FAM13A: variants seen among roughly 807,000 people sequenced by gnomAD.
FAM13A encodes the protein protein FAM13A.
FAM13A carries 76 observed loss-of-function variants against 129.6 expected under a neutral mutation model. That is an observed-to-expected ratio of 0.59 (90% CI 0.49 to 0.71). The LOEUF is 0.71. FAM13A is among the 30% of genes least tolerant of loss of function. The pLI is 0.00. For missense variants in FAM13A, 1,108 were observed against 1,249.3 expected (o/e 0.89, Z 1.70); for synonymous variants, 443 against 449.9 (o/e 0.98, Z 0.20).
At chr4:88,752,890 G>A (rs1017238769) in intron 14 of FAM13A, among the ~76,000 whole-genome samples, 7 of 152,206 alleles carry the variant, frequency 4.6e-5, no homozygotes, top group African/African-American at 1.7e-4. Flanking sequence ...AGAGGGAAAG[G>A]GTTAAGATGG....
intron 3 of FAM13A, among the ~76,000 whole-genome samples, chr4:89,001,894 C>A (rs959241842): frequency 2.0e-4 from 31 of 152,030 alleles, no homozygotes; most frequent in African/African-American, 7.5e-4. Context: ...CCTATTATTA[C>A]GGTGGTTTTC....
chr4:89,015,748 A>G (rs1411927910), intron 3 of FAM13A, among the ~76,000 whole-genome samples: 1 of 152,158 alleles, frequency 6.6e-6, no homozygotes, highest in Non-Finnish European at 1.5e-5. Context: ...TACTCATTCT[A>G]TTTATATGTA....
At position 89,054,973 on chromosome 4, in the gene FAM13A, G is replaced by C. The variant is rs147540427; in HGVS notation, c.27+1965C>G. 2.6e-5 allele frequency among the ~76,000 whole-genome samples: 4 copies of C among 152,274 alleles called. No individual in the cohort carries two copies. In the East Asian group the frequency reaches 7.7e-4, roughly 29 times the overall value. The stretch of plus-strand genomic sequence containing the variant: ...TCCCTACTTCTCTCTTCCCCAAAAA[G>C]AAGGCATTTAAGCTTCAACCACCTG... On this transcript the variant is annotated intron_variant, in intron 1 of 23. Coordinates refer to ENST00000264344, the MANE Select transcript of FAM13A (RefSeq NM_014883.4).
chr4:89,030,530 C>A (rs1004505737), intron 1 of FAM13A, among the ~76,000 whole-genome samples: 45 of 152,206 alleles, frequency 3.0e-4, no homozygotes, highest in African/African-American at 9.9e-4. Context: ...AGGAAACTTC[C>A]ACTTTCTGAG....
chr4:89,014,193 G>A (rs934733828), intron 3 of FAM13A, among the ~76,000 whole-genome samples: 9 of 152,094 alleles, frequency 5.9e-5, no homozygotes, highest in South Asian at 2.1e-4. Flanking sequence ...GACAATAAAC[G>A]ATGCAGTAGG....
chr4:88,910,777 G>A (rs1012573752), intron 5 of FAM13A, among the ~76,000 whole-genome samples: 1 of 151,868 alleles, frequency 6.6e-6, no homozygotes, highest in African/African-American at 2.4e-5. Flanking sequence ...AGCCTCCTGA[G>A]TAGCTGGGAC....
At chr4:88,888,533 C>T (rs1382075836) in intron 6 of FAM13A, among the ~76,000 whole-genome samples, 1 of 152,006 alleles carries the variant, frequency 6.6e-6, no homozygotes, top group Non-Finnish European at 1.5e-5. Context: ...TCCTTCAAGC[C>T]ACAACAAACC....
intron 6 of FAM13A, among the ~76,000 whole-genome samples, chr4:88,868,687 T>C (rs780480485): frequency 1.3e-5 from 2 of 152,196 alleles, no homozygotes; most frequent in Non-Finnish European, 2.9e-5. Context: ...CCAAGATTTA[T>C]ACATGTCTAT....
chr4:88,898,533 C>A (rs1294766236), intron 6 of FAM13A, among the ~76,000 whole-genome samples: 1 of 152,012 alleles, frequency 6.6e-6, no homozygotes, highest in East Asian at 1.9e-4. Context: ...TAAAAATAAA[C>A]CATATACTCT....
chr4:88,769,817 G>A (rs936352823), intron 11 of FAM13A, among the ~76,000 whole-genome samples: 4 of 151,476 alleles, frequency 2.6e-5, no homozygotes, highest in Admixed American at 2.0e-4. Flanking sequence ...GCGACAGAGC[G>A]AGACTCTGTC....
At chr4:88,881,954 G>GA (rs1461259510) in intron 6 of FAM13A, among the ~76,000 whole-genome samples, 1 of 151,830 alleles carries the variant, frequency 6.6e-6, no homozygotes, top group African/African-American at 2.4e-5. Flanking sequence ...TAAAAAAAAT[G>GA]AAAAAAGACT....
intron 5 of FAM13A, among the ~76,000 whole-genome samples, chr4:88,909,394 A>G (rs1748673027): frequency 1.3e-5 from 2 of 152,204 alleles, no homozygotes; most frequent in Admixed American, 1.3e-4. Flanking sequence ...GAATAGGCAA[A>G]TACTTAGTGA....
At chr4:89,055,702 A>G (rs1438419934) in intron 1 of FAM13A, among the ~76,000 whole-genome samples, 1 of 152,226 alleles carries the variant, frequency 6.6e-6, no homozygotes, top group African/African-American at 2.4e-5. Flanking sequence ...TATTTTACAC[A>G]TAGATAAATC....
At chr4:88,868,526 G>A (rs1384729553) in intron 6 of FAM13A, among the ~76,000 whole-genome samples, 1 of 152,112 alleles carries the variant, frequency 6.6e-6, no homozygotes, top group African/African-American at 2.4e-5. Context: ...TGCCAGGGGT[G>A]ATCTGATCTT....
intron 5 of FAM13A, among the ~76,000 whole-genome samples, chr4:88,930,123 T>C (rs1368376965): frequency 1.3e-5 from 2 of 152,194 alleles, no homozygotes; most frequent in Admixed American, 6.5e-5. Context: ...GTTTTCAGAA[T>C]TATCTTGCAT....
Position 88,851,092 on chromosome 4 carries a change from A to G in FAM13A, c.935T>C (p.Leu312Pro). 6.2e-7 allele frequency: 1 copy of G among 1,613,998 alleles called. No individual in the cohort carries two copies. The highest frequency in any genetic ancestry group is 8.5e-7 in the Non-Finnish European group (1 of 1,180,010). ...TTCCAAGCAGGCTTTTCTATAACTT[A>G]GCCGCAAGCTGAGCTGAGGAATGCC... The part of the protein sequence containing the change: ...SDGIPQLSLR[L>P]SYRKACLEDM... The change falls in exon 7 of 24, where the codon CTA (leucine) becomes CCA (proline). Residue 312 changes from leucine to proline, a missense_variant. Physicochemically the swap from Leu to Pro is moderately conservative, Grantham distance 98. Coordinates refer to ENST00000264344, the MANE Select transcript of FAM13A (RefSeq NM_014883.4).
intron 7 of FAM13A, among the ~76,000 whole-genome samples, chr4:88,822,667 C>T (rs905932612): frequency 7.9e-5 from 12 of 152,152 alleles, no homozygotes; most frequent in African/African-American, 2.9e-4. Context: ...TTATTATAAA[C>T]TCGCTCATTA....
intron 11 of FAM13A, among the ~76,000 whole-genome samples, chr4:88,778,276 C>T (rs1448512811): frequency 6.6e-6 from 1 of 152,178 alleles, no homozygotes; most frequent in Non-Finnish European, 1.5e-5. Flanking sequence ...ATATGACTCC[C>T]AAAACGTCTA....
chr4:88,781,977 A>C lies in FAM13A; in HGVS notation c.1272-626T>G, dbSNP rs1291217721. Among the ~76,000 whole-genome samples, 6 of 149,482 alleles carry C rather than the reference A, an allele frequency of 4.0e-5. No individual in the cohort carries two copies. In the South Asian group the frequency reaches 1.3e-3, roughly 32 times the overall value. On this transcript the variant is annotated intron_variant, in intron 10 of 23. Coordinates refer to ENST00000264344, the MANE Select transcript of FAM13A (RefSeq NM_014883.4). ...GCACATTGTGCACATGTACCCTAAA[A>C]CTTAAAGTATAATGATAATAAAATA...
Sources: gnomAD v4.1 joint callset for allele counts (sites outside exome capture counted in the v4.1 genomes callset) on GRCh38, gnomAD v4.1.1 for gene constraint, MANE v1.5 for transcripts, NCBI Gene and HGNC (gene_info 2026-07-23, HGNC 2026-07-21) for gene names.